The following ADGRL3 variants were observed in gnomAD, a reference collection of about 807,000 sequenced individuals.
ADGRL3 encodes the protein calcium-independent alpha-latrotoxin receptor 3.
A neutral mutation model predicts 153.5 loss-of-function variants in ADGRL3; 62 were observed. The observed-to-expected ratio is 0.40, with a 90% CI of 0.33 to 0.50. ADGRL3 has a LOEUF of 0.50. Among genes scored for constraint, ADGRL3 ranks in the 20% least tolerant of loss-of-function variants. The probability of loss-of-function intolerance (pLI) is 0.47; values close to 1 mark genes in which losing one functional copy is unlikely to be tolerated. For synonymous variants in ADGRL3, 710 were observed against 672.5 expected (o/e 1.06, Z -0.86); for missense variants, 1,641 against 1,859.4 (o/e 0.88, Z 2.16).
chr4:61,474,926 A>G (rs1424085252), intron 2 of ADGRL3, among the ~76,000 whole-genome samples: 1 of 152,166 alleles, frequency 6.6e-6, no homozygotes, highest in Non-Finnish European at 1.5e-5. Flanking sequence ...TTACTGTCCC[A>G]GGCTTATTAA....
intron 1 of ADGRL3, among the ~76,000 whole-genome samples, chr4:61,341,192 A>G (rs929553606): frequency 1.3e-5 from 2 of 151,988 alleles, no homozygotes; most frequent in South Asian, 4.1e-4. Flanking sequence ...TTGCAAAACC[A>G]TTCATTAAAT....
At chr4:61,321,535 C>T (rs530250289) in intron 1 of ADGRL3, among the ~76,000 whole-genome samples, 27 of 150,950 alleles carry the variant, frequency 1.8e-4, no homozygotes, top group Non-Finnish European at 3.1e-4. Flanking sequence ...GGTCCTGAAG[C>T]GATTTCATCA....
rs545931332 is a variant in ADGRL3 at position 61,338,423 on chromosome 4, G to A, written c.-239-44701G>A. On this transcript the variant is annotated intron_variant, in intron 1 of 26. Coordinates refer to ENST00000683033, the MANE Select transcript of ADGRL3 (RefSeq NM_001387552.1). The stretch of plus-strand genomic sequence containing the variant: ...TGTGTGTGTGTGTGTGTGTGAAAGA[G>A]AGAGAGAGAAGAGATTGATTTGATT... Among the ~76,000 whole-genome samples, 3 of 151,002 alleles carry A rather than the reference G, an allele frequency of 2.0e-5. No individual in the cohort carries two copies. The East Asian group carries it at 5.9e-4, about 30-fold the overall frequency.
At chr4:61,451,089 G>T (rs2097667901) in intron 2 of ADGRL3, among the ~76,000 whole-genome samples, 1 of 152,002 alleles carries the variant, frequency 6.6e-6, no homozygotes, top group Admixed American at 6.6e-5. Flanking sequence ...TTTTAAAATA[G>T]AAAGCTTGGT....
At chr4:61,404,615 A>G (rs77846922) in intron 2 of ADGRL3, among the ~76,000 whole-genome samples, 2,364 of 152,128 alleles carry the variant, frequency 0.016, 24 homozygotes, top group Middle Eastern at 0.027. Context: ...GAGAAGTGAG[A>G]ACACTCTTTA....
chr4:61,203,840 G>A (rs1000887278), intron 1 of ADGRL3, among the ~76,000 whole-genome samples: 2 of 151,872 alleles, frequency 1.3e-5, no homozygotes, highest in Non-Finnish European at 2.9e-5. Flanking sequence ...ACCAAAATAG[G>A]ATACCAGATA....
intron 8 of ADGRL3, among the ~76,000 whole-genome samples, chr4:61,783,355 C>T (rs1022274492): frequency 2.0e-5 from 3 of 152,074 alleles, no homozygotes; most frequent in African/African-American, 7.2e-5. Flanking sequence ...CATAGACCTT[C>T]AGAGGTTATG....
intron 11 of ADGRL3, among the ~76,000 whole-genome samples, chr4:61,907,261 T>TATAG (rs2098700302): frequency 6.6e-6 from 1 of 151,978 alleles, no homozygotes; most frequent in Admixed American, 6.6e-5. Flanking sequence ...TATTTATTTA[T>TATAG]TTAGTTAGTT....
chr4:62,028,646 G>A (rs1221604382), intron 21 of ADGRL3, among the ~76,000 whole-genome samples: 2 of 151,736 alleles, frequency 1.3e-5, no homozygotes, highest in Non-Finnish European at 2.9e-5. Flanking sequence ...AAGGGATATT[G>A]CAGTATTATA....
intron 4 of ADGRL3, among the ~76,000 whole-genome samples, chr4:61,520,682 G>GTGTGTGTGTGTGTGTCTGTCTGTC (rs763505931): frequency 1.6e-5 from 2 of 123,472 alleles, no homozygotes; most frequent in African/African-American, 2.8e-5. Context: ...GTGTGTGTGT[G>GTGTGTGTGTGTGTGTCTGTCTGTC]TGTCTGTCTG....
At chr4:61,961,862 C>A (rs759436889) in intron 17 of ADGRL3, among the ~76,000 whole-genome samples, 2 of 152,042 alleles carry the variant, frequency 1.3e-5, no homozygotes, top group African/African-American at 2.4e-5. Flanking sequence ...CATTTTATTT[C>A]TTTTTTCTCC....
intron 5 of ADGRL3, among the ~76,000 whole-genome samples, chr4:61,671,991 C>T (rs1282597912): frequency 1.3e-5 from 2 of 152,078 alleles, no homozygotes; most frequent in African/African-American, 4.8e-5. Context: ...AGTATTTTCT[C>T]CCATTCTGTA....
intron 4 of ADGRL3, among the ~76,000 whole-genome samples, chr4:61,532,555 C>CGTGCGT (rs2098628846): frequency 1.5e-5 from 2 of 131,438 alleles, no homozygotes; most frequent in Admixed American, 1.5e-4. Context: ...CGCGCGCGCG[C>CGTGCGT]GTGTGTGTGT....
intron 13 of ADGRL3, among the ~76,000 whole-genome samples, chr4:61,914,467 G>T (rs1027777569): frequency 6.6e-6 from 1 of 152,052 alleles, no homozygotes; most frequent in African/African-American, 2.4e-5. Flanking sequence ...TTTATGTGTA[G>T]GTTTGATAAA....
intron 2 of ADGRL3, among the ~76,000 whole-genome samples, chr4:61,418,927 A>G (rs1226384689): frequency 2.7e-5 from 4 of 150,792 alleles, no homozygotes; most frequent in Non-Finnish European, 1.5e-5. Context: ...GTTTATTTAC[A>G]GTTTAGTGAC....
intron 17 of ADGRL3, among the ~76,000 whole-genome samples, chr4:61,952,082 C>T (rs1384628871): frequency 1.3e-5 from 2 of 152,026 alleles, no homozygotes; most frequent in Non-Finnish European, 1.5e-5. Context: ...TTCTCTTCTC[C>T]CTGCAGTCAG....
intron 1 of ADGRL3, among the ~76,000 whole-genome samples, chr4:61,206,975 T>A (rs1737543085): frequency 6.7e-6 from 1 of 150,058 alleles, no homozygotes; most frequent in African/African-American, 2.5e-5. Flanking sequence ...AGACCAAGAC[T>A]GTGTCTCAAA....
intron 9 of ADGRL3, among the ~76,000 whole-genome samples, chr4:61,817,865 A>G (rs1247142360): frequency 2.6e-5 from 4 of 152,094 alleles, no homozygotes; most frequent in African/African-American, 9.7e-5. Context: ...AGTATGGGGG[A>G]AACTGCCCCC....
At chr4:61,695,276 A>G (rs1056462557) in intron 6 of ADGRL3, among the ~76,000 whole-genome samples, 14 of 152,228 alleles carry the variant, frequency 9.2e-5, no homozygotes, top group African/African-American at 3.4e-4. Flanking sequence ...AGTAAGACTT[A>G]AACATTGAAA....
Sources: gnomAD v4.1 joint callset for allele counts (sites outside exome capture counted in the v4.1 genomes callset) on GRCh38, gnomAD v4.1.1 for gene constraint, MANE v1.5 for transcripts, NCBI Gene and HGNC (gene_info 2026-07-23, HGNC 2026-07-21) for gene names.